The following SYNE2 variants were observed in gnomAD, a reference collection of about 807,000 sequenced individuals.
SYNE2 encodes nesprin-2.
Under a neutral mutation model 856.3 loss-of-function variants are expected in SYNE2, and 431 were observed. The observed-to-expected ratio is 0.50, with a 90% CI of 0.47 to 0.55. The LOEUF is 0.55. Ranked by LOEUF, SYNE2 falls within the 20% of genes least tolerant of loss-of-function variation. The pLI is 0.00. For missense variants in SYNE2, 8,129 were observed against 8,023.2 expected (o/e 1.01, Z -0.50); for synonymous variants, 2,923 against 2,872.3 (o/e 1.02, Z -0.56).
At chr14:64,022,110 G>T in intron 37 of SYNE2, 82 bp downstream of exon 37, 1 of 1,348,386 alleles carries the variant, frequency 7.4e-7, no homozygotes. Context: ...GCTAATCTAA[G>T]CCTGACTTAG....
chr14:64,163,163 G>A (rs969263585), intron 88 of SYNE2, among the ~76,000 whole-genome samples: 6 of 152,086 alleles, frequency 3.9e-5, no homozygotes, highest in Admixed American at 6.6e-5. Flanking sequence ...TAGAAGCCTC[G>A]ACTCTATTAG....
In SYNE2 at chr14:64,128,448, A is replaced by G. The variant is rs1377440462; in HGVS notation, c.13918-4A>G. The G allele has an allele frequency of 1.4e-6, 2 of 1,479,518 alleles. No individual in the cohort carries two copies. Among genetic ancestry groups the G allele is most frequent in the East Asian group, 4.5e-5 (2 of 44,266 alleles). 91.6% of individuals were successfully genotyped at this position (1,479,518 alleles called of 1,614,324 possible). A position where few individuals can be genotyped will look rare whatever the true frequency, so the allele number is the denominator to read the frequency against. On this transcript the variant is annotated splice_polypyrimidine_tract_variant and splice_region_variant and intron_variant, in intron 73 of 115. Coordinates refer to ENST00000555002, the MANE Select transcript of SYNE2 (RefSeq NM_182914.3). Reference sequence around the variant, plus strand: ...TTGCTCAGTTTCCGACATTTATCTTACAGAATGAAATAAAGAGATTATATC... The same window carrying G: ...TTGCTCAGTTTCCGACATTTATCTTGCAGAATGAAATAAAGAGATTATATC...
At chr14:63,805,472 C>A (rs12882972) in intron 1 of SYNE2, among the ~76,000 whole-genome samples, 2 of 152,084 alleles carry the variant, frequency 1.3e-5, no homozygotes, top group Non-Finnish European at 2.9e-5. Flanking sequence ...CTGCAAGCTC[C>A]GCCTCCCGGG....
At chr14:63,974,880 G>GTATATA (rs1297032187) in intron 11 of SYNE2, among the ~76,000 whole-genome samples, 89 of 28,382 alleles carry the variant, frequency 3.1e-3, no homozygotes, top group Middle Eastern at 0.028. Context: ...GTGTGTGTGT[G>GTATATA]TGTGTGTGTG....
intron 77 of SYNE2, 136 bp from the exon 78 acceptor site, chr14:64,133,933 T>G (rs1299995880): frequency 3.9e-6 from 4 of 1,016,524 alleles, no homozygotes; most frequent in Admixed American, 1.9e-5. Context: ...GGGTTACGTC[T>G]CTCGAACACA....
At chr14:64,069,440 T>A (rs187170359) in intron 51 of SYNE2, among the ~76,000 whole-genome samples, 1 of 152,314 alleles carries the variant, frequency 6.6e-6, no homozygotes. Context: ...AGTCTACATC[T>A]GCATCCGTGT....
chr14:64,155,716 C>T (rs1345095960), intron 85 of SYNE2, among the ~76,000 whole-genome samples: 3 of 152,072 alleles, frequency 2.0e-5, no homozygotes, highest in Non-Finnish European at 4.4e-5. Flanking sequence ...CGCTTGAGGC[C>T]AGGAGTTCAA....
chr14:64,090,082 G>A (rs1050072403), intron 59 of SYNE2, among the ~76,000 whole-genome samples: 19 of 152,152 alleles, frequency 1.2e-4, no homozygotes, highest in Non-Finnish European at 2.8e-4. Context: ...TGTAAATAGA[G>A]CCCCTGACAG....
intron 85 of SYNE2, among the ~76,000 whole-genome samples, chr14:64,158,346 C>T (rs544093557): frequency 1.1e-4 from 17 of 152,310 alleles, no homozygotes; most frequent in African/African-American, 3.6e-4. Flanking sequence ...AATTCTAATA[C>T]TCACCCAGTG....
intron 1 of SYNE2, among the ~76,000 whole-genome samples, chr14:63,780,235 A>G (rs1343200762): frequency 6.6e-6 from 1 of 152,102 alleles, no homozygotes. Context: ...ATGGAATACT[A>G]CTCAGTAATA....
chr14:63,919,879 TAGG>T (rs749486294), intron 2 of SYNE2, among the ~76,000 whole-genome samples: 2 of 150,690 alleles, frequency 1.3e-5, no homozygotes, highest in Non-Finnish European at 2.9e-5. Context: ...GAGGAGAGAA[TAGG>T]AGAACGAGGA....
intron 51 of SYNE2, among the ~76,000 whole-genome samples, chr14:64,068,969 A>G (rs779283457): frequency 2.6e-5 from 4 of 152,050 alleles, no homozygotes; most frequent in Non-Finnish European, 5.9e-5. Flanking sequence ...TGAGGCTTGC[A>G]AATGGTAGTT....
chr14:63,892,423 C>G (rs1322728670), intron 1 of SYNE2, among the ~76,000 whole-genome samples: 1 of 149,340 alleles, frequency 6.7e-6, no homozygotes, highest in Admixed American at 6.7e-5. Flanking sequence ...TCATGTTCTT[C>G]TTGAAAACCC....
chr14:63,884,740 G>GA (rs1448937552), intron 1 of SYNE2, among the ~76,000 whole-genome samples: 1 of 152,126 alleles, frequency 6.6e-6, no homozygotes, highest in African/African-American at 2.4e-5. Flanking sequence ...AAAAGACAGT[G>GA]ATGAAGTAGG....
At chr14:64,149,338 T>C (rs896464791) in intron 84 of SYNE2, among the ~76,000 whole-genome samples, 5 of 152,026 alleles carry the variant, frequency 3.3e-5, no homozygotes, top group African/African-American at 1.2e-4. Flanking sequence ...AAGAAAATGA[T>C]GAAAATGATT....
chr14:63,986,440 CT>C lies in SYNE2; in HGVS notation c.2152-12del. On this transcript the variant is annotated splice_polypyrimidine_tract_variant and intron_variant, in intron 18 of 115. Coordinates refer to ENST00000555002, the MANE Select transcript of SYNE2 (RefSeq NM_182914.3). ...ACATGCTGACATTTTCTCAGTGGTA[CT>C]TTTGAATGTTGTAGGCTGGAGAGAA... 1.2e-6 allele frequency: 2 copies of C among 1,613,586 alleles called. No homozygotes were observed. The highest frequency in any genetic ancestry group is 1.7e-6 in the Non-Finnish European group (2 of 1,179,756).
rs1451632875 is a variant in SYNE2, at chr14:63,941,789, T to C, written c.236T>C (p.Leu79Ser). 5.0e-6 allele frequency: 8 copies of C among 1,613,980 alleles called. No individual in the cohort carries two copies. The highest frequency in any genetic ancestry group is 6.8e-6 in the Non-Finnish European group (8 of 1,179,870). Residue 79 changes from leucine (L) to serine (S), a missense_variant and splice_region_variant, in exon 4 of 116, where the codon TTG becomes TCG. This residue lies in a region of SYNE2 where 2,422 missense variants were observed against 2,357.4 expected (regional missense o/e 1.03). Coordinates refer to ENST00000555002, the MANE Select transcript of SYNE2 (RefSeq NM_182914.3). ...CTAGAAGTACTTTCTGGGCAACAGT[T>C]GGTAAGATTTTTAAATGACACTGAG... ...DLLEVLSGQQLPRDKGSNTFQ... is the reference protein window; with the variant it reads ...DLLEVLSGQQSPRDKGSNTFQ...
chr14:63,948,050 T>C (rs1284646804), intron 6 of SYNE2, among the ~76,000 whole-genome samples: 1 of 152,202 alleles, frequency 6.6e-6, no homozygotes, highest in African/African-American at 2.4e-5. Flanking sequence ...GTCCAACTTA[T>C]TCTTTAAGAA....
intron 47 of SYNE2, among the ~76,000 whole-genome samples, chr14:64,051,056 C>G (rs1044677527): frequency 1.3e-5 from 2 of 151,208 alleles, no homozygotes; most frequent in African/African-American, 4.9e-5. Context: ...ATACTTTTAT[C>G]TAAATGGGGT....
Sources: gnomAD v4.1 joint callset for allele counts (sites outside exome capture counted in the v4.1 genomes callset) on GRCh38, gnomAD v4.1.1 for gene constraint, gnomAD v4.1.1 regional missense constraint, MANE v1.5 for transcripts, NCBI Gene and HGNC (gene_info 2026-07-23, HGNC 2026-07-21) for gene names.